CLDN10: variants seen among roughly 807,000 people sequenced by gnomAD.
The protein encoded by CLDN10 is claudin-10.
Under a neutral mutation model 22.9 loss-of-function variants are expected in CLDN10, and 15 were observed. The ratio of observed to expected loss-of-function variants is 0.65; its 90% CI spans 0.44 to 1.01. The LOEUF is 1.01. Among genes scored for constraint, CLDN10 ranks in the 50% least tolerant of loss-of-function variants. CLDN10 has a pLI of 0.00. For synonymous variants in CLDN10, 114 were observed against 111.4 expected, an observed-to-expected ratio of 1.02 and a Z score of -0.15; for missense variants, 247 against 287.8, an observed-to-expected ratio of 0.86 and a Z score of 1.03.
At chr13:95,560,569 T>TACTG in intron 3 of CLDN10, 106 bp downstream of exon 3, 1 of 824,186 alleles carries the variant, frequency 1.2e-6, no homozygotes, top group Non-Finnish European at 1.9e-6. Context: ...AAGTAAGACA[T>TACTG]ACTGATAAAT....
intron 3 of CLDN10, among the ~76,000 whole-genome samples, chr13:95,565,132 A>G (rs931056172): frequency 2.0e-5 from 3 of 149,992 alleles, no homozygotes; most frequent in Non-Finnish European, 4.5e-5. Context: ...ACAAATCTGA[A>G]AAAAAAAAAA....
chr13:95,475,621 G>A (rs2042678062), intron 1 of CLDN10, among the ~76,000 whole-genome samples: 1 of 152,182 alleles, frequency 6.6e-6, no homozygotes, highest in African/African-American at 2.4e-5. Flanking sequence ...TGGGCCCCTG[G>A]TGAGGGTGAC....
At chr13:95,445,845 C>T (rs2042372656) in intron 1 of CLDN10, among the ~76,000 whole-genome samples, 1 of 152,092 alleles carries the variant, frequency 6.6e-6, no homozygotes, top group Non-Finnish European at 1.5e-5. Flanking sequence ...ATTAGCGGCA[C>T]AGGAATAACA....
upstream of CLDN10, among the ~76,000 whole-genome samples, chr13:95,548,899 G>A (rs973336826): frequency 2.6e-5 from 4 of 152,174 alleles, no homozygotes; most frequent in Admixed American, 6.5e-5. Context: ...GCACACCTGC[G>A]TTGCTTGGTA....
intron 1 of CLDN10, among the ~76,000 whole-genome samples, chr13:95,488,193 C>A (rs1229235193): frequency 6.7e-6 from 1 of 148,480 alleles, no homozygotes. Flanking sequence ...CCGTCTTAGC[C>A]AGGCTGGTCT....
At chr13:95,547,284 C>T (rs1356694053) in intron 1 of CLDN10, among the ~76,000 whole-genome samples, 3 of 152,152 alleles carry the variant, frequency 2.0e-5, no homozygotes, top group Admixed American at 2.0e-4. Flanking sequence ...TCTGCTCTGA[C>T]TTCCTGGTTT....
At chr13:95,518,422 C>T (rs908861735) in intron 1 of CLDN10, among the ~76,000 whole-genome samples, 1 of 152,114 alleles carries the variant, frequency 6.6e-6, no homozygotes, top group Non-Finnish European at 1.5e-5. Flanking sequence ...CCTGGATTTA[C>T]CAACTGCAGT....
chr13:95,506,164 C>CTG (rs138496672), intron 1 of CLDN10, among the ~76,000 whole-genome samples: 18 of 151,706 alleles, frequency 1.2e-4, no homozygotes, highest in African/African-American at 3.6e-4. Flanking sequence ...GTGTGTGTGC[C>CTG]TGTGTGTGTG....
At chr13:95,446,814 C>G (rs1406957909) in intron 1 of CLDN10, among the ~76,000 whole-genome samples, 3 of 151,940 alleles carry the variant, frequency 2.0e-5, no homozygotes, top group Non-Finnish European at 4.4e-5. Context: ...TGCACTCCAG[C>G]CTGGGCAACA....
chr13:95,552,007 T>C (rs1052179374), upstream of CLDN10, among the ~76,000 whole-genome samples: 2 of 152,234 alleles, frequency 1.3e-5, no homozygotes, highest in Non-Finnish European at 2.9e-5. Flanking sequence ...ACAAATGCCC[T>C]CTGCGTAGTG....
At chr13:95,484,073 G>A (rs1336153647) in intron 1 of CLDN10, among the ~76,000 whole-genome samples, 1 of 152,144 alleles carries the variant, frequency 6.6e-6, no homozygotes, top group Non-Finnish European at 1.5e-5. Context: ...CCTTGACTTT[G>A]GCCTTCCCAG....
intron 1 of CLDN10, among the ~76,000 whole-genome samples, chr13:95,555,520 T>C (rs2043626760): frequency 6.6e-6 from 1 of 152,210 alleles, no homozygotes; most frequent in South Asian, 2.1e-4. Flanking sequence ...AGTCCTTGAT[T>C]TGTTATGTAG....
chr13:95,463,325 T>TATATATATATATATATATATA (rs1566282981), intron 1 of CLDN10, among the ~76,000 whole-genome samples: 1 of 101,150 alleles, frequency 9.9e-6, no homozygotes, highest in Non-Finnish European at 2.1e-5. Flanking sequence ...TATATATATA[T>TATATATATATATATATATATA]TTGCCTTTTT....
Position 95,526,780 on chromosome 13 carries a change from T to C in CLDN10, c.215-33352T>C, listed in dbSNP as rs547350438. 3.5e-4 allele frequency among the ~76,000 whole-genome samples: 43 copies of C among 122,392 alleles called. No homozygotes were observed. The South Asian group carries it at 9.0e-3, about 26-fold the overall frequency. 80.3% of individuals were successfully genotyped at this position (122,392 alleles called of 152,430 possible). Reference sequence around the variant, plus strand: ...CCAGCCTGGGCAATAAGAGTGAAATTCCATCTCAAATAAATAAATAAATAA... The same window carrying C: ...CCAGCCTGGGCAATAAGAGTGAAATCCCATCTCAAATAAATAAATAAATAA... On this transcript the variant is annotated intron_variant, in intron 1 of 4. Coordinates refer to the CLDN10 transcript ENST00000376873.
intron 1 of CLDN10, among the ~76,000 whole-genome samples, chr13:95,504,266 T>A (rs1458352908): frequency 2.0e-5 from 3 of 152,248 alleles, no homozygotes; most frequent in Non-Finnish European, 4.4e-5. Context: ...AATATTCTCT[T>A]CTGTCTGCCT....
intron 1 of CLDN10, among the ~76,000 whole-genome samples, chr13:95,496,793 G>A (rs2042934461): frequency 6.6e-6 from 1 of 152,188 alleles, no homozygotes; most frequent in Admixed American, 6.5e-5. Flanking sequence ...ATCACATTGG[G>A]GGTTACAGCT....
At chr13:95,460,325 A>G (rs1424364220) in intron 1 of CLDN10, among the ~76,000 whole-genome samples, 2 of 152,134 alleles carry the variant, frequency 1.3e-5, no homozygotes, top group Non-Finnish European at 2.9e-5. Context: ...TAGCAGCAAC[A>G]TACTCTCTGT....
intron 1 of CLDN10, among the ~76,000 whole-genome samples, chr13:95,494,242 A>T (rs1376454947): frequency 6.6e-6 from 1 of 152,220 alleles, no homozygotes; most frequent in Non-Finnish European, 1.5e-5. Flanking sequence ...GCTGTCTTGC[A>T]CACAAAAGAT....
chr13:95,568,598 G>C (rs117663706), intron 3 of CLDN10, among the ~76,000 whole-genome samples: 1 of 151,942 alleles, frequency 6.6e-6, no homozygotes, highest in Admixed American at 6.6e-5. Flanking sequence ...TTTCTACCTC[G>C]TGCTTCCATC....
Sources: allele counts gnomAD v4.1 joint callset (sites outside exome capture counted in the v4.1 genomes callset), GRCh38; gene constraint gnomAD v4.1.1; transcripts MANE v1.5; gene names NCBI Gene and HGNC (gene_info 2026-07-23, HGNC 2026-07-21).